Variants in WWC1 observed in about 807,000 individuals in gnomAD.
WWC1 encodes the protein WW and C2 domain containing 1.
In WWC1, 55 loss-of-function variants were observed where a neutral mutation model predicts 138.4. The observed-to-expected ratio is 0.40, with a 90% CI of 0.32 to 0.50. The LOEUF (loss-of-function observed/expected upper bound fraction) is 0.50, where lower values mean the gene tolerates loss of function less well. WWC1 is among the 20% of genes least tolerant of loss of function. The pLI, the probability that WWC1 is intolerant of heterozygous loss-of-function variation, is 0.72. For missense variants in WWC1, 1,226 were observed against 1,420.4 expected (o/e 0.86, Z 2.20); for synonymous variants, 524 against 564.9 (o/e 0.93, Z 1.03).
At chr5:168,354,068 TG>T (rs1775208530) in intron 1 of WWC1, among the ~76,000 whole-genome samples, 1 of 152,024 alleles carries the variant, frequency 6.6e-6, no homozygotes, top group African/African-American at 2.4e-5. Context: ...TTTTTTTTTT[TG>T]AGATGGAATC....
intron 2 of WWC1, among the ~76,000 whole-genome samples, chr5:168,372,374 A>AT (rs1776829304): frequency 6.6e-6 from 1 of 152,062 alleles, no homozygotes; most frequent in Non-Finnish European, 1.5e-5. Flanking sequence ...GAGGAAAGGG[A>AT]TTTTTCAGCC....
chr5:168,332,690 G>GT (rs1184174844), intron 1 of WWC1, among the ~76,000 whole-genome samples: 1 of 151,742 alleles, frequency 6.6e-6, no homozygotes, highest in East Asian at 1.9e-4. Context: ...ACTTCTGTAT[G>GT]TTTTTGGTTT....
intron 1 of WWC1, among the ~76,000 whole-genome samples, chr5:168,326,107 C>T (rs1022275802): frequency 1.3e-5 from 2 of 151,826 alleles, no homozygotes; most frequent in Admixed American, 6.6e-5. Context: ...GTGAATAATG[C>T]TGCTAGGAAT....
At chr5:168,359,240 G>A (rs1360826676) in intron 1 of WWC1, among the ~76,000 whole-genome samples, 1 of 152,114 alleles carries the variant, frequency 6.6e-6, no homozygotes, top group African/African-American at 2.4e-5. Context: ...GTATTGGAGA[G>A]ACAGGGTTCC....
At chr5:168,379,208 AT>A (rs1170461326) in intron 2 of WWC1, among the ~76,000 whole-genome samples, 2 of 152,298 alleles carry the variant, frequency 1.3e-5, no homozygotes, top group Non-Finnish European at 2.9e-5. Flanking sequence ...AGCTATATCT[AT>A]GTATACTTTT....
intron 6 of WWC1, 114 bp downstream of exon 6, chr5:168,406,441 C>G: frequency 6.9e-7 from 1 of 1,439,460 alleles, no homozygotes; most frequent in Non-Finnish European, 9.5e-7. Context: ...GTTCTCATTA[C>G]CAGTCTTCCT....
intron 1 of WWC1, among the ~76,000 whole-genome samples, chr5:168,314,751 A>G (rs976760430): frequency 2.0e-5 from 3 of 152,194 alleles, no homozygotes; most frequent in Non-Finnish European, 2.9e-5. Context: ...GGGACTGGGT[A>G]CAGGTGGGGA....
intron 1 of WWC1, among the ~76,000 whole-genome samples, chr5:168,304,937 T>C (rs1191762865): frequency 1.3e-5 from 2 of 151,968 alleles, no homozygotes; most frequent in Admixed American, 1.3e-4. Flanking sequence ...ATGATTCTCC[T>C]GCCTCGGCTT....
chr5:168,336,571 CAAAA>C (rs57339649), intron 1 of WWC1, among the ~76,000 whole-genome samples: 1 of 58,020 alleles, frequency 1.7e-5, no homozygotes, highest in Non-Finnish European at 3.7e-5. Context: ...GACTCTGTCT[CAAAA>C]AAAAAAAAAA....
At chr5:168,463,181 C>T (rs961380409) in intron 20 of WWC1, among the ~76,000 whole-genome samples, 1 of 152,170 alleles carries the variant, frequency 6.6e-6, no homozygotes, top group African/African-American at 2.4e-5. Flanking sequence ...TCACAGTTTC[C>T]GCTGGTCAGG....
At chr5:168,329,399 G>A (rs1410879251) in intron 1 of WWC1, among the ~76,000 whole-genome samples, 2 of 152,078 alleles carry the variant, frequency 1.3e-5, no homozygotes, top group East Asian at 1.9e-4. Context: ...TCTTTTTCTC[G>A]TGAGGCAGAA....
At chr5:168,332,237 C>A (rs1773091049) in intron 1 of WWC1, among the ~76,000 whole-genome samples, 1 of 152,094 alleles carries the variant, frequency 6.6e-6, no homozygotes, top group Non-Finnish European at 1.5e-5. Context: ...GTGCTGATGA[C>A]TCAGAGCTGA....
At position 168,322,006 on chromosome 5, in the gene WWC1, G is replaced by A. The variant is rs115240403; in HGVS notation, c.119+29735G>A. On this transcript the variant is annotated intron_variant, in intron 1 of 22. Coordinates refer to ENST00000265293, the MANE Select transcript of WWC1 (RefSeq NM_015238.3). Reference sequence around the variant, plus strand: ...AGCAGTTCTTGAAGTGTGATCCCTGGAAATATTTGAGATCCTCTCAGGAGA... The same window carrying A: ...AGCAGTTCTTGAAGTGTGATCCCTGAAAATATTTGAGATCCTCTCAGGAGA... Among the ~76,000 whole-genome samples, 483 of 152,260 alleles carry A rather than the reference G, an allele frequency of 3.2e-3. 1 individual carries two copies. Among genetic ancestry groups the A allele is most frequent in the African/African-American group, 0.011 (455 of 41,566 alleles).
chr5:168,381,374 C>T (rs1001007123), intron 2 of WWC1, among the ~76,000 whole-genome samples: 3 of 152,132 alleles, frequency 2.0e-5, no homozygotes, highest in African/African-American at 7.2e-5. Context: ...TGGACACGGG[C>T]CCAGCATTTC....
At chr5:168,454,625 A>T (rs569466216) in intron 18 of WWC1, among the ~76,000 whole-genome samples, 18 of 152,302 alleles carry the variant, frequency 1.2e-4, no homozygotes, top group African/African-American at 4.3e-4. Flanking sequence ...CAGGACTCCT[A>T]GAGCTAGAGC....
intron 1 of WWC1, among the ~76,000 whole-genome samples, chr5:168,322,399 A>G (rs1337558585): frequency 6.6e-6 from 1 of 152,230 alleles, no homozygotes; most frequent in Non-Finnish European, 1.5e-5. Flanking sequence ...GAAAGCAGCC[A>G]TAGATAATAT....
intron 3 of WWC1, among the ~76,000 whole-genome samples, chr5:168,388,552 G>A (rs550157640): frequency 2.6e-5 from 4 of 152,200 alleles, no homozygotes; most frequent in South Asian, 2.1e-4. Flanking sequence ...AAACTCAGTC[G>A]GGCACAGTGG....
chr5:168,428,699 C>A lies in WWC1; in HGVS notation c.1920-8C>A. 6.2e-7 allele frequency: 1 copy of A among 1,613,908 alleles called. No homozygotes were observed. Among genetic ancestry groups the A allele is most frequent in the Non-Finnish European group, 8.5e-7 (1 of 1,179,864 alleles). On this transcript the variant is annotated splice_region_variant and splice_polypyrimidine_tract_variant and intron_variant, in intron 12 of 22. Transcript: ENST00000265293. ...AAGCCTAACTCCTCCTCCCCTGTTG[C>A]CTTTCAGACTGGGTGCTTCAGAAGC...
chr5:168,403,088 T>TTTTCTTTCTTTTC (rs1561712674), intron 5 of WWC1, among the ~76,000 whole-genome samples: 62 of 124,168 alleles, frequency 5.0e-4, no homozygotes, highest in Middle Eastern at 4.0e-3. Flanking sequence ...CTTTTCTTTC[T>TTTTCTTTCTTTTC]TTTCTTTCTT....
Sources: gnomAD v4.1 joint callset for allele counts (sites outside exome capture counted in the v4.1 genomes callset) on GRCh38, gnomAD v4.1.1 for gene constraint, MANE v1.5 for transcripts, NCBI Gene and HGNC (gene_info 2026-07-23, HGNC 2026-07-21) for gene names.